LOXL2: variants seen among roughly 807,000 people sequenced by gnomAD.
LOXL2 encodes the protein lysyl oxidase homolog 2.
A neutral mutation model predicts 93.0 loss-of-function variants in LOXL2; 70 were observed. The observed-to-expected ratio is 0.75, with a 90% CI of 0.62 to 0.92. The LOEUF is 0.92. Among genes scored for constraint, LOXL2 ranks in the 40% least tolerant of loss-of-function variants. The pLI is 0.00. For missense variants in LOXL2, 973 were observed against 1,054.9 expected (o/e 0.92, Z 1.08); for synonymous variants, 438 against 413.2 (o/e 1.06, Z -0.73).
chr8:23,380,204 C>T (rs1346875910), intron 1 of LOXL2, among the ~76,000 whole-genome samples: 1 of 152,054 alleles, frequency 6.6e-6, no homozygotes, highest in Non-Finnish European at 1.5e-5. Flanking sequence ...ACCATCCTGG[C>T]CAACATGGTG....
intron 6 of LOXL2, 43 bp from the exon 7 acceptor site, chr8:23,322,324 G>C: frequency 6.3e-7 from 1 of 1,583,762 alleles, no homozygotes; most frequent in Non-Finnish European, 8.6e-7. Flanking sequence ...GCTTTGGAAG[G>C]AAACTTTCTG....
chr8:23,398,384 TG>T (rs1800120195), intron 1 of LOXL2, among the ~76,000 whole-genome samples: 1 of 152,122 alleles, frequency 6.6e-6, no homozygotes, highest in South Asian at 2.1e-4. Context: ...ATCGTAGGAA[TG>T]AAAAAACTAA....
intron 1 of LOXL2, among the ~76,000 whole-genome samples, chr8:23,375,822 C>T (rs1456175348): frequency 6.6e-6 from 1 of 152,164 alleles, no homozygotes; most frequent in Non-Finnish European, 1.5e-5. Flanking sequence ...TGCTTATCAG[C>T]TTAAGGAGAT....
chr8:23,367,351 C>T (rs973007279), intron 2 of LOXL2, among the ~76,000 whole-genome samples: 3 of 152,120 alleles, frequency 2.0e-5, no homozygotes, highest in Admixed American at 2.0e-4. Context: ...GCCTGGCCAG[C>T]TCTTAAAACA....
chr8:23,369,257 G>A (rs191666824), intron 1 of LOXL2, among the ~76,000 whole-genome samples: 31 of 152,284 alleles, frequency 2.0e-4, no homozygotes, highest in African/African-American at 6.0e-4. Context: ...CCTGGTCATC[G>A]TATCTGGTGG....
At chr8:23,329,265 C>A (rs1365967293) in intron 5 of LOXL2, 1 of 152,214 alleles carries the variant, frequency 6.6e-6, no homozygotes, top group Non-Finnish European at 1.5e-5. Context: ...CATGCCCAGC[C>A]TCCCTCAATT....
rs565070803 is a variant in LOXL2, at chr8:23,314,173, G to C, written c.1636+2776C>G. ...TGCTGGAGAGGATGTAGAGAGATAG[G>C]AACACTTTTACACTGTTGGTGGGAC... On this transcript the variant is annotated intron_variant, in intron 9 of 13. Transcript: ENST00000389131. Among the ~76,000 whole-genome samples the C allele has an allele frequency of 1.5e-3, 222 of 151,886 alleles. 1 individual carries two copies. The highest frequency in any genetic ancestry group is 2.5e-3 in the Non-Finnish European group (173 of 67,960).
rs375521872 is a variant in LOXL2, at chr8:23,319,925, C to T, written c.1430G>A (p.Cys477Tyr). 1 of 1,613,842 alleles carries T rather than the reference C, an allele frequency of 6.2e-7. No homozygotes were observed. Among genetic ancestry groups the T allele is most frequent in the African/African-American group, 1.3e-5 (1 of 74,898 alleles). ...NWGIVEAMVV[C>Y]RQLGLGFASN... is the part of the protein sequence containing the mutation. ...GGCGAATCCCAGGCCCAGCTGGCGG[C>T]AGACCACCATGGCCTCCACGATGCC... Residue 477 changes from cysteine (C) to tyrosine (Y), a missense_variant, in exon 8 of 14, where the codon TGC becomes TAC. Transcript: ENST00000389131.
chr8:23,397,516 C>T (rs1311949537), intron 1 of LOXL2, among the ~76,000 whole-genome samples: 1 of 152,150 alleles, frequency 6.6e-6, no homozygotes, highest in South Asian at 2.1e-4. Flanking sequence ...CAGTGGCTCA[C>T]GCCTGTAATC....
chr8:23,362,835 T>C (rs1354216486), intron 2 of LOXL2, among the ~76,000 whole-genome samples: 1 of 152,204 alleles, frequency 6.6e-6, no homozygotes, highest in African/African-American at 2.4e-5. Flanking sequence ...CAAATAGTGA[T>C]TTTTATAAGT....
At chr8:23,353,702 T>C (rs1404692756) in intron 3 of LOXL2, among the ~76,000 whole-genome samples, 4 of 152,252 alleles carry the variant, frequency 2.6e-5, no homozygotes, top group Non-Finnish European at 5.9e-5. Flanking sequence ...AGGGCAGCAC[T>C]TCGAAGTCTG....
intron 5 of LOXL2, among the ~76,000 whole-genome samples, chr8:23,329,606 C>T (rs1803640840): frequency 6.6e-6 from 1 of 152,164 alleles, no homozygotes; most frequent in African/African-American, 2.4e-5. Flanking sequence ...TTGGAGGAGG[C>T]TCAGAAGCCT....
chr8:23,330,054 G>A (rs765147599), intron 5 of LOXL2, among the ~76,000 whole-genome samples: 6 of 152,304 alleles, frequency 3.9e-5, no homozygotes, highest in East Asian at 1.9e-4. Flanking sequence ...GGCCAGGTGC[G>A]GTGGCTCACG....
intron 4 of LOXL2, among the ~76,000 whole-genome samples, chr8:23,335,446 A>C (rs1250275594): frequency 6.6e-6 from 1 of 152,208 alleles, no homozygotes; most frequent in Non-Finnish European, 1.5e-5. Context: ...TTGTGAAATA[A>C]ATAAGTAAAT....
chr8:23,402,914 G>A (rs1373248504), intron 1 of LOXL2: 3 of 152,236 alleles, frequency 2.0e-5, no homozygotes, highest in Non-Finnish European at 4.4e-5. Flanking sequence ...ATATTGAGTA[G>A]TTCAGCCCCC....
intron 1 of LOXL2, among the ~76,000 whole-genome samples, chr8:23,378,018 T>A (rs1004388535): frequency 3.9e-5 from 6 of 152,210 alleles, no homozygotes; most frequent in Non-Finnish European, 7.3e-5. Flanking sequence ...TTAGTTGATG[T>A]AGTTTCTTCC....
chr8:23,371,580 G>A lies in LOXL2; in HGVS notation c.-83-3146C>T, dbSNP rs569327697. On this transcript the variant is annotated intron_variant, in intron 1 of 13. Transcript: ENST00000389131. ...ATCCCGGCTAACACGGTGAAACCCC[G>A]TCTCTACTAAAAATACAAAAAATTA... is the stretch of plus-strand genomic sequence containing the variant. Among the ~76,000 whole-genome samples, 8 of 151,544 alleles carry A rather than the reference G, an allele frequency of 5.3e-5. No homozygotes were observed. In the East Asian group the frequency reaches 9.7e-4, roughly 18 times the overall value.
intron 3 of LOXL2, among the ~76,000 whole-genome samples, chr8:23,356,203 C>T (rs113771351): frequency 3.3e-5 from 5 of 152,308 alleles, no homozygotes; most frequent in African/African-American, 1.2e-4. Flanking sequence ...CTAGGGCTCA[C>T]CATCAGAGAC....
intron 1 of LOXL2, among the ~76,000 whole-genome samples, chr8:23,383,923 G>C (rs979790622): frequency 6.6e-6 from 1 of 152,068 alleles, no homozygotes; most frequent in Non-Finnish European, 1.5e-5. Flanking sequence ...GCCTCCCAAA[G>C]TGCTGGGATT....
Sources: allele counts gnomAD v4.1 joint callset (sites outside exome capture counted in the v4.1 genomes callset), GRCh38; gene constraint gnomAD v4.1.1; transcripts MANE v1.5; gene names NCBI Gene and HGNC (gene_info 2026-07-23, HGNC 2026-07-21).